MDFIC: variants seen among roughly 807,000 people sequenced by gnomAD.
The protein encoded by MDFIC is MyoD family inhibitor domain containing, also known as myoD family inhibitor domain-containing protein.
Under a neutral mutation model 23.2 loss-of-function variants are expected in MDFIC, and 17 were observed. The observed-to-expected ratio is 0.73, with a 90% CI of 0.50 to 1.10. The LOEUF is 1.10. Among genes scored for constraint, MDFIC ranks in the 50% least tolerant of loss-of-function variants. The probability of loss-of-function intolerance (pLI) is 0.00; values close to 1 mark genes in which losing one functional copy is unlikely to be tolerated. For synonymous variants in MDFIC, 120 were observed against 115.2 expected (o/e 1.04, Z -0.27); for missense variants, 356 against 316.6 (o/e 1.12, Z -0.95).
intron 4 of MDFIC, among the ~76,000 whole-genome samples, chr7:114,993,135 G>T (rs994990822): frequency 3.3e-5 from 5 of 152,168 alleles, no homozygotes; most frequent in Admixed American, 6.5e-5. Flanking sequence ...TAGTTTATTT[G>T]TGTAGAGGTG....
At chr7:115,006,607 A>G (rs935245362) in intron 4 of MDFIC, among the ~76,000 whole-genome samples, 2 of 152,266 alleles carry the variant, frequency 1.3e-5, no homozygotes, top group African/African-American at 2.4e-5. Context: ...GAATTGTGAA[A>G]TAAACACAGT....
intron 3 of MDFIC, among the ~76,000 whole-genome samples, chr7:114,964,291 G>T (rs1250581371): frequency 6.6e-6 from 1 of 152,132 alleles, no homozygotes; most frequent in Non-Finnish European, 1.5e-5. Flanking sequence ...CTTGCTACAG[G>T]TTTTAAAAAT....
chr7:115,003,874 G>A (rs4380861), intron 4 of MDFIC, among the ~76,000 whole-genome samples: 66,188 of 151,902 alleles, frequency 0.44, 15,078 homozygotes, highest in Admixed American at 0.58. Flanking sequence ...ATCTGAATTG[G>A]ATATTGGATA....
chr7:114,989,471 G>A (rs1219720838), intron 4 of MDFIC, among the ~76,000 whole-genome samples: 2 of 152,138 alleles, frequency 1.3e-5, no homozygotes, highest in Admixed American at 1.3e-4. Context: ...AACAATTTCA[G>A]TATGTTTACA....
At chr7:114,986,180 C>T (rs1028539243) in intron 4 of MDFIC, among the ~76,000 whole-genome samples, 4 of 152,078 alleles carry the variant, frequency 2.6e-5, no homozygotes, top group African/African-American at 7.2e-5. Context: ...TTATATTGTA[C>T]AGGCTTTTTC....
intron 2 of MDFIC, among the ~76,000 whole-genome samples, chr7:114,929,065 A>C (rs1314283621): frequency 7.6e-6 from 1 of 130,894 alleles, no homozygotes; most frequent in Non-Finnish European, 1.7e-5. Flanking sequence ...ATATAGATAT[A>C]GATCTATAGA....
At chr7:114,989,297 T>G (rs1016917158) in intron 4 of MDFIC, among the ~76,000 whole-genome samples, 7 of 152,186 alleles carry the variant, frequency 4.6e-5, no homozygotes, top group African/African-American at 1.7e-4. Context: ...TGTGACAACA[T>G]GGACATCATT....
chr7:114,983,743 G>GT (rs1181402311), intron 4 of MDFIC, among the ~76,000 whole-genome samples: 1 of 151,398 alleles, frequency 6.6e-6, no homozygotes, highest in Non-Finnish European at 1.5e-5. Flanking sequence ...AATTTTTTTT[G>GT]TATTTTTAGT....
intron 4 of MDFIC, among the ~76,000 whole-genome samples, chr7:115,009,461 A>AAT (rs1055136742): frequency 3.9e-5 from 6 of 152,206 alleles, no homozygotes; most frequent in Admixed American, 2.0e-4. Context: ...CTTTCACTTT[A>AAT]ATAAACTGCA....
intron 4 of MDFIC, among the ~76,000 whole-genome samples, chr7:115,011,518 G>T (rs559843548): frequency 2.4e-4 from 37 of 152,236 alleles, no homozygotes; most frequent in Middle Eastern, 6.8e-3. Context: ...TTTTGTTGAG[G>T]AAGATAAGTT....
At chr7:114,995,042 C>T (rs577105424) in intron 4 of MDFIC, among the ~76,000 whole-genome samples, 10 of 152,192 alleles carry the variant, frequency 6.6e-5, no homozygotes, top group South Asian at 2.1e-4. Context: ...AGACTTTGTT[C>T]GTTTCTTTTA....
intron 2 of MDFIC, among the ~76,000 whole-genome samples, chr7:114,936,200 T>C (rs958290131): frequency 1.3e-5 from 2 of 152,138 alleles, no homozygotes; most frequent in African/African-American, 4.8e-5. Flanking sequence ...TAGTGCAGAG[T>C]AAAACTTGGT....
chr7:114,922,669 G>A, intron 1 of MDFIC, 33 bp downstream of exon 1: 1 of 1,323,940 alleles, frequency 7.6e-7, no homozygotes, highest in Non-Finnish European at 9.7e-7. Flanking sequence ...GGAAGAGGAG[G>A]GGTTTGATCC....
Position 115,016,552 on chromosome 7 carries a change from G to C in MDFIC, c.*617G>C, listed in dbSNP as rs1791798092. The C allele has an allele frequency of 1.3e-5, 2 of 153,782 alleles. No homozygotes were observed. Among genetic ancestry groups the C allele is most frequent in the African/African-American group, 2.4e-5 (1 of 41,396 alleles). The allele number at this position is 153,782 out of a possible 1,614,324, so 9.5% of individuals were successfully genotyped here. ...GGAGGCTGAGGCAGGAGAATTGCTT[G>C]AACCCGAGAGGCGGAAGTTGCAGTG... On this transcript the variant is annotated 3_prime_UTR_variant, in exon 5 of 5. Coordinates refer to ENST00000393486, the MANE Select transcript of MDFIC (RefSeq NM_001166345.3).
chr7:114,925,038 G>A (rs1012771884), intron 2 of MDFIC, among the ~76,000 whole-genome samples: 1 of 151,850 alleles, frequency 6.6e-6, no homozygotes, highest in South Asian at 2.1e-4. Flanking sequence ...ATAATTCTAC[G>A]GTAGGATATG....
Position 115,011,239 on chromosome 7 carries a change from T to C in MDFIC, c.494-4449T>C, listed in dbSNP as rs911554219. On this transcript the variant is annotated intron_variant, in intron 4 of 4. Coordinates refer to ENST00000393486, the MANE Select transcript of MDFIC (RefSeq NM_001166345.3). ...ATTTTCTGTGAATGAGTCTCTGCATTGGTAAAATAGGCATAATACCGGTAT... is the reference window on the plus strand; with the variant it reads ...ATTTTCTGTGAATGAGTCTCTGCATCGGTAAAATAGGCATAATACCGGTAT... Among the ~76,000 whole-genome samples, 4 of 152,192 alleles carry C rather than the reference T, an allele frequency of 2.6e-5. No individual in the cohort carries two copies. In the East Asian group the frequency reaches 7.7e-4, roughly 29 times the overall value.
chr7:114,995,478 A>T (rs575252810), intron 4 of MDFIC, among the ~76,000 whole-genome samples: 23 of 152,164 alleles, frequency 1.5e-4, no homozygotes, highest in Non-Finnish European at 2.9e-4. Flanking sequence ...TTGTGGTTTT[A>T]TCTACCTTTG....
At chr7:114,995,397 T>C (rs1193756244) in intron 4 of MDFIC, among the ~76,000 whole-genome samples, 2 of 152,220 alleles carry the variant, frequency 1.3e-5, no homozygotes, top group Non-Finnish European at 2.9e-5. Context: ...CGAGGAGCTG[T>C]GTTCCTTTGG....
chr7:114,961,982 A>G (rs548231504), intron 3 of MDFIC, among the ~76,000 whole-genome samples: 11 of 152,362 alleles, frequency 7.2e-5, no homozygotes, highest in Admixed American at 5.2e-4. Flanking sequence ...CTCTAGAAAA[A>G]GAAGAAAATT....
Sources: gnomAD v4.1 joint callset for allele counts (sites outside exome capture counted in the v4.1 genomes callset) on GRCh38, gnomAD v4.1.1 for gene constraint, MANE v1.5 for transcripts, NCBI Gene and HGNC (gene_info 2026-07-23, HGNC 2026-07-21) for gene names.